Variants in ABCC5 observed in about 807,000 individuals in gnomAD.
ABCC5 encodes ATP-binding cassette sub-family C member 5.
In ABCC5, 61 loss-of-function variants were observed where a neutral mutation model predicts 160.9. The ratio of observed to expected loss-of-function variants is 0.38; its 90% CI spans 0.31 to 0.47. The LOEUF is 0.47. ABCC5 is among the 20% of genes least tolerant of loss of function. The pLI is 0.99. For synonymous variants in ABCC5, 666 were observed against 700.6 expected (o/e 0.95, Z 0.78); for missense variants, 1,308 against 1,813.3 (o/e 0.72, Z 5.06).
At chr3:183,941,601 A>T (rs890616552) in intron 25 of ABCC5, among the ~76,000 whole-genome samples, 2 of 152,048 alleles carry the variant, frequency 1.3e-5, no homozygotes, top group African/African-American at 4.8e-5. Flanking sequence ...AACTAATGAA[A>T]ACTGAATCAA....
chr3:183,970,879 A>T (rs73179680), intron 11 of ABCC5, among the ~76,000 whole-genome samples: 15,958 of 152,238 alleles, frequency 0.1, 1,166 homozygotes, highest in East Asian at 0.34. Flanking sequence ...CTCTGTGCCC[A>T]GCCCTATCAC....
At chr3:183,990,878 A>C (rs898009746) in intron 2 of ABCC5, among the ~76,000 whole-genome samples, 3 of 152,122 alleles carry the variant, frequency 2.0e-5, no homozygotes, top group Admixed American at 2.0e-4. Context: ...TCTAAAAGTA[A>C]CTCAAACGTT....
intron 27 of ABCC5, chr3:183,928,012 G>C (rs987854471): frequency 6.3e-6 from 1 of 158,872 alleles, no homozygotes; most frequent in African/African-American, 2.4e-5. Context: ...GCAGCTGCTC[G>C]TGAGGGCCTG....
chr3:183,926,525 G>T (rs1712580943), intron 28 of ABCC5, among the ~76,000 whole-genome samples: 1 of 151,970 alleles, frequency 6.6e-6, no homozygotes, highest in Non-Finnish European at 1.5e-5. Context: ...ACTCCAGCCT[G>T]GGTGGCAGAG....
chr3:183,920,711 G>A lies in ABCC5; in HGVS notation c.*589C>T, dbSNP rs562430579. The A allele has an allele frequency of 6.5e-6, 1 of 152,778 alleles. No homozygotes were observed. Among genetic ancestry groups the A allele is most frequent in the East Asian group, 1.9e-4 (1 of 5,186 alleles). The allele number at this position is 152,778 out of a possible 1,614,324, so 9.5% of individuals were successfully genotyped here. On this transcript the variant is annotated 3_prime_UTR_variant, in exon 30 of 30. Transcript: ENST00000334444. This position sits in a 1 kb window ranked among gnomAD's most constrained non-coding sequence, Gnocchi z 4.1. ...GCCCACCCGTCTCCAGCCACCCCTG[G>A]AGCGGCCGTGGGGAGGCGGCAGAGG...
At chr3:183,965,085 G>A in intron 14 of ABCC5, 100 bp downstream of exon 14, 1 of 1,228,534 alleles carries the variant, frequency 8.1e-7, no homozygotes, top group Non-Finnish European at 1.2e-6. Flanking sequence ...AACTCCCTGT[G>A]AGGCTCTTCT....
intron 5 of ABCC5, chr3:183,983,705 A>G (rs1428564998): frequency 3.0e-6 from 3 of 984,050 alleles, no homozygotes; most frequent in Non-Finnish European, 3.6e-6. Flanking sequence ...ACGCCGGAGC[A>G]CACACTCACA....
chr3:184,005,264 T>C (rs753721750), intron 2 of ABCC5, among the ~76,000 whole-genome samples: 10 of 152,178 alleles, frequency 6.6e-5, no homozygotes, highest in Non-Finnish European at 1.3e-4. Context: ...TCTTTTAAAG[T>C]ACACATGTCA....
chr3:183,963,569 T>C lies in ABCC5; in HGVS notation c.2051A>G (p.Asn684Ser), dbSNP rs763115886. 6.1e-5 allele frequency: 99 copies of C among 1,613,840 alleles called. No homozygotes were observed. The highest frequency in any genetic ancestry group is 8.3e-5 in the Non-Finnish European group (98 of 1,180,050). ...DLTEIGERGA[N>S]LSGGQRQRIS... is the part of the protein sequence containing the mutation. ...CCTCTGGCGCTGCCCACCGCTCAGG[T>C]TGGCTCCTCGCTCTCCAATCTACAA... The change falls in exon 15 of 30, where the codon AAC becomes AGC. Residue 684 changes from asparagine (N) to serine (S), a missense_variant. Transcript: ENST00000334444. The surrounding 1 kb of genome is among the most constrained non-coding windows in gnomAD (Gnocchi z 4.6).
At chr3:183,960,935 GCCA>G (rs1716670455) in intron 16 of ABCC5, among the ~76,000 whole-genome samples, 1 of 151,924 alleles carries the variant, frequency 6.6e-6, no homozygotes, top group South Asian at 2.1e-4. Flanking sequence ...ACAGGCGCCT[GCCA>G]CCACACCTGG....
intron 26 of ABCC5, among the ~76,000 whole-genome samples, chr3:183,934,691 T>A (rs551400624): frequency 1.3e-5 from 2 of 152,152 alleles, no homozygotes; most frequent in Non-Finnish European, 2.9e-5. Context: ...TTATATAATT[T>A]AAAAAAGCAG....
At position 183,961,506 on chromosome 3, in the gene ABCC5, C is replaced by T; in HGVS notation, c.2379+5G>A. The T allele has an allele frequency of 6.2e-7, 1 of 1,613,944 alleles. No homozygotes were observed. Among genetic ancestry groups the T allele is most frequent in the Non-Finnish European group, 8.5e-7 (1 of 1,179,880 alleles). On this transcript the variant is annotated splice_donor_5th_base_variant and intron_variant, in intron 16 of 29. Transcript: ENST00000334444. ...GGGACACACGCAAACACCATCAGAT[C>T]TTACCTCAACTGGCGGTGTCTCTCC...
At position 184,007,515 on chromosome 3, in the gene ABCC5, T is replaced by G. The variant is rs147465941; in HGVS notation, c.129+6749A>C. On this transcript the variant is annotated intron_variant, in intron 2 of 29. Coordinates refer to ENST00000334444, the MANE Select transcript of ABCC5 (RefSeq NM_005688.4). ...AATTTAAAGCAATTAAAATCCAAAC[T>G]CCTTGGCTTATTATTCAAGAACACA... Among the ~76,000 whole-genome samples, 76 of 152,128 alleles carry G rather than the reference T, an allele frequency of 5.0e-4. No individual in the cohort carries two copies. In the East Asian group the frequency reaches 0.014, roughly 28 times the overall value.
intron 10 of ABCC5, among the ~76,000 whole-genome samples, chr3:183,973,897 C>T (rs1717988773): frequency 6.6e-6 from 1 of 152,326 alleles, no homozygotes; most frequent in East Asian, 1.9e-4. Flanking sequence ...GTCTTTTAGG[C>T]CTCAATGAAC....
chr3:183,985,119 C>T, intron 5 of ABCC5: 1 of 667,636 alleles, frequency 1.5e-6, no homozygotes. Flanking sequence ...ATAACAATGA[C>T]ATTTCAAACC....
intron 2 of ABCC5, among the ~76,000 whole-genome samples, chr3:184,012,196 T>C (rs1721812070): frequency 1.3e-5 from 2 of 152,342 alleles, no homozygotes; most frequent in East Asian, 3.9e-4. Flanking sequence ...TCTATATTAT[T>C]TTTTATAATT....
intron 25 of ABCC5, among the ~76,000 whole-genome samples, chr3:183,940,999 C>T (rs1341493038): frequency 2.0e-5 from 3 of 152,120 alleles, no homozygotes; most frequent in Non-Finnish European, 4.4e-5. Flanking sequence ...GCTGGAATTA[C>T]AGGCATCCAC....
intron 17 of ABCC5, among the ~76,000 whole-genome samples, chr3:183,958,405 T>G (rs1253122557): frequency 1.3e-5 from 2 of 152,228 alleles, no homozygotes; most frequent in Admixed American, 6.5e-5. Flanking sequence ...TTAGTGACTA[T>G]GTACAGAAGA....
chr3:183,990,287 A>G (rs928626914), intron 2 of ABCC5, among the ~76,000 whole-genome samples: 7 of 151,768 alleles, frequency 4.6e-5, no homozygotes, highest in Non-Finnish European at 1.0e-4. Flanking sequence ...TTGTATTTTT[A>G]GTAGACACGG....
Sources: gnomAD v4.1 joint callset for allele counts (sites outside exome capture counted in the v4.1 genomes callset) on GRCh38, gnomAD v4.1.1 for gene constraint, Gnocchi (gnomAD v3.1) non-coding constraint, MANE v1.5 for transcripts, NCBI Gene and HGNC (gene_info 2026-07-23, HGNC 2026-07-21) for gene names.